PLIN3: variants seen among roughly 807,000 people sequenced by gnomAD.
PLIN3 encodes the protein perilipin-3.
A neutral mutation model predicts 35.9 loss-of-function variants in PLIN3; 30 were observed. That is an observed-to-expected ratio of 0.84 (90% confidence interval 0.62 to 1.13). PLIN3 has a LOEUF of 1.13. Ranked by LOEUF, PLIN3 falls within the 50% of genes most tolerant of loss-of-function variation. PLIN3 has a pLI of 0.00. For missense variants in PLIN3, 603 were observed against 596.9 expected (o/e 1.01, Z -0.11); for synonymous variants, 261 against 262.5 (o/e 0.99, Z 0.06).
At chr19:4,847,646 G>A in intron 6 of PLIN3, 45 bp downstream of exon 6, 1 of 1,502,276 alleles carries the variant, frequency 6.7e-7, no homozygotes, top group Non-Finnish European at 9.1e-7. Flanking sequence ...GTCTGCTGCG[G>A]GGTGAAGGCT....
At chr19:4,851,801 G>T (rs2030299464) in intron 5 of PLIN3, among the ~76,000 whole-genome samples, 1 of 152,050 alleles carries the variant, frequency 6.6e-6, no homozygotes, top group African/African-American at 2.4e-5. Flanking sequence ...GCGCCCTCTG[G>T]TGGCTGCTGT....
chr19:4,844,868 A>T, intron 6 of PLIN3, 75 bp from the exon 7 acceptor site: 1 of 1,454,504 alleles, frequency 6.9e-7, no homozygotes, highest in Non-Finnish European at 9.2e-7. Flanking sequence ...AACCCAAGGA[A>T]TCCTTCCAGC....
chr19:4,848,172 C>T (rs573620269), intron 5 of PLIN3, among the ~76,000 whole-genome samples: 22 of 152,024 alleles, frequency 1.4e-4, no homozygotes, highest in African/African-American at 4.1e-4. Context: ...TTAGTAGAGA[C>T]GGGGTTTCAC....
chr19:4,848,245 A>G (rs2030173824), intron 5 of PLIN3, among the ~76,000 whole-genome samples: 1 of 152,136 alleles, frequency 6.6e-6, no homozygotes, highest in Admixed American at 6.6e-5. Flanking sequence ...TGGCCTCCAA[A>G]AGTGCTGTGA....
intron 1 of PLIN3, among the ~76,000 whole-genome samples, chr19:4,866,208 G>A (rs189193201): frequency 1.3e-5 from 2 of 151,718 alleles, no homozygotes; most frequent in East Asian, 3.9e-4. Context: ...AGTAGAGGTG[G>A]GGTTTCACCA....
At chr19:4,845,626 A>G (rs1482472660) in intron 6 of PLIN3, among the ~76,000 whole-genome samples, 1 of 151,850 alleles carries the variant, frequency 6.6e-6, no homozygotes, top group Non-Finnish European at 1.5e-5. Context: ...AAAGTTTAAG[A>G]GAAAAGAAAA....
intron 5 of PLIN3, among the ~76,000 whole-genome samples, chr19:4,850,049 C>T (rs182846989): frequency 6.6e-6 from 1 of 151,040 alleles, no homozygotes; most frequent in Non-Finnish European, 1.5e-5. Context: ...AGATTCAAGC[C>T]ATTCTCTTGC....
intron 5 of PLIN3, among the ~76,000 whole-genome samples, chr19:4,849,646 T>C (rs1296072727): frequency 6.6e-6 from 1 of 150,636 alleles, no homozygotes; most frequent in African/African-American, 2.5e-5. Context: ...TTTATTTACT[T>C]ATTTATTTAT....
intron 7 of PLIN3, among the ~76,000 whole-genome samples, chr19:4,840,651 C>T (rs756532103): frequency 2.6e-5 from 4 of 152,120 alleles, no homozygotes; most frequent in Non-Finnish European, 4.4e-5. Context: ...TGAGGAAATG[C>T]AAATCAAAAC....
chr19:4,854,655 C>A (rs2030414711), intron 4 of PLIN3, among the ~76,000 whole-genome samples: 2 of 152,048 alleles, frequency 1.3e-5, no homozygotes, highest in African/African-American at 2.4e-5. Flanking sequence ...GTTCTAACAG[C>A]CCCACTACTC....
Position 4,848,974 on chromosome 19 carries a change from T to C in PLIN3, c.635-1084A>G, listed in dbSNP as rs1016224886. On this transcript the variant is annotated intron_variant, in intron 5 of 7. Coordinates refer to ENST00000221957, the MANE Select transcript of PLIN3 (RefSeq NM_005817.5). ...ACCGTATTTTTCCTGTACTTTTTCT[T>C]CTTTTTTTTAGACAGGGTCTCGGTC... 1.3e-5 allele frequency among the ~76,000 whole-genome samples: 2 copies of C among 152,122 alleles called. 1 individual carries two copies. The highest frequency in any genetic ancestry group is 2.9e-5 in the Non-Finnish European group (2 of 68,030).
intron 5 of PLIN3, 141 bp downstream of exon 5, chr19:4,851,875 T>C: frequency 1.2e-6 from 1 of 851,742 alleles, no homozygotes. Flanking sequence ...ACTGCGTTAG[T>C]GATGAGATTC....
intron 2 of PLIN3, 31 bp downstream of exon 2, chr19:4,861,298 G>A (rs776363106): frequency 6.3e-6 from 10 of 1,593,844 alleles, no homozygotes; most frequent in Admixed American, 1.7e-5. Flanking sequence ...TCACAGGGTC[G>A]GGGCAGTCCC....
intron 1 of PLIN3, among the ~76,000 whole-genome samples, chr19:4,862,108 T>A (rs2030695731): frequency 6.6e-6 from 1 of 150,950 alleles, no homozygotes; most frequent in African/African-American, 2.4e-5. Flanking sequence ...CTACTTAATT[T>A]TTTCTTTTTG....
At chr19:4,854,035 C>T (rs981032937) in intron 4 of PLIN3, among the ~76,000 whole-genome samples, 5 of 151,252 alleles carry the variant, frequency 3.3e-5, no homozygotes, top group East Asian at 2.0e-4. Flanking sequence ...TCGGCTCCAG[C>T]GATCCTCCCA....
Position 4,842,586 on chromosome 19 carries a change from T to C in PLIN3, c.960+2082A>G, listed in dbSNP as rs1440389334. Among the ~76,000 whole-genome samples the C allele has an allele frequency of 2.3e-4, 24 of 106,608 alleles. No homozygotes were observed. The Admixed American group carries it at 2.3e-3, about 10-fold the overall frequency. 69.9% of individuals were successfully genotyped at this position (106,608 alleles called of 152,430 possible). On this transcript the variant is annotated intron_variant, in intron 7 of 7. Coordinates refer to ENST00000221957, the MANE Select transcript of PLIN3 (RefSeq NM_005817.5). ...TTGCACTCCAGCCAGGGTGACAGAG[T>C]GAGACTCTATCTCAAAAAAAAAAAA...
intron 1 of PLIN3, among the ~76,000 whole-genome samples, 159 bp from the exon 2 acceptor site, chr19:4,861,570 T>C (rs1362984961): frequency 2.0e-5 from 3 of 152,172 alleles, no homozygotes; most frequent in South Asian, 2.1e-4. Context: ...CTCTGGACTT[T>C]GTTCAATAGC....
chr19:4,859,887 C>T lies in PLIN3; in HGVS notation c.204G>A (p.Arg68=), dbSNP rs1396291406. Residue 68 remains arginine, a synonymous_variant, in exon 3 of 8, where the codon AGG becomes AGA. Coordinates refer to ENST00000221957, the MANE Select transcript of PLIN3 (RefSeq NM_005817.5). ...TVCDAAEKGV[R]TLTAAAVSGA... is the part of the protein sequence containing the mutation. ...CGCTGACAGCAGCCGCCGTGAGGGTCCTCACTCCCTTCTCTGCTGCGTCGC... is the reference window on the plus strand; with the variant it reads ...CGCTGACAGCAGCCGCCGTGAGGGTTCTCACTCCCTTCTCTGCTGCGTCGC... 3 of 1,613,754 alleles carry T rather than the reference C, an allele frequency of 1.9e-6. No homozygotes were observed. The East Asian group carries it at 6.7e-5, about 36-fold the overall frequency.
chr19:4,863,398 G>A (rs1169148101), intron 1 of PLIN3, among the ~76,000 whole-genome samples: 4 of 150,950 alleles, frequency 2.6e-5, no homozygotes, highest in Non-Finnish European at 5.9e-5. Flanking sequence ...TCAGGAGGCT[G>A]AGGCAGGAGA....
Sources: allele counts gnomAD v4.1 joint callset (sites outside exome capture counted in the v4.1 genomes callset), GRCh38; gene constraint gnomAD v4.1.1; transcripts MANE v1.5; gene names NCBI Gene and HGNC (gene_info 2026-07-23, HGNC 2026-07-21).